BID: variants seen among roughly 807,000 people sequenced by gnomAD.
The protein encoded by BID is BH3 interacting domain death agonist.
Under a neutral mutation model 17.4 loss-of-function variants are expected in BID, and 19 were observed. The ratio of observed to expected loss-of-function variants is 1.09; its 90% CI spans 0.76 to 1.60. The LOEUF is 1.60. Among genes scored for constraint, BID ranks in the 40% most tolerant of loss-of-function variants. The probability of loss-of-function intolerance (pLI) is 0.00; values close to 1 mark genes in which losing one functional copy is unlikely to be tolerated. For missense variants in BID, 226 were observed against 256.0 expected (o/e 0.88, Z 0.80); for synonymous variants, 108 against 102.8 (o/e 1.05, Z -0.31).
rs147162385 is a variant in BID at position 17,752,900 on chromosome 22, C to T, written c.-58-2726G>A. On this transcript the variant is annotated intron_variant, in intron 1 of 5. Transcript: ENST00000622694. Reference sequence around the variant, plus strand: ...CAGGATGGTCTGGATCTCCTGACCTCGTGATCCGCCCGTCTTGGCCTCCCG... The same window carrying T: ...CAGGATGGTCTGGATCTCCTGACCTTGTGATCCGCCCGTCTTGGCCTCCCG... Among the ~76,000 whole-genome samples, 50 of 149,922 alleles carry T rather than the reference C, an allele frequency of 3.3e-4. 1 individual carries two copies. The East Asian group carries it at 6.3e-3, about 19-fold the overall frequency.
intron 1 of BID, among the ~76,000 whole-genome samples, chr22:17,768,729 C>CG: frequency 6.6e-6 from 1 of 152,180 alleles, no homozygotes; most frequent in South Asian, 2.1e-4. Context: ...AAAAATTAGC[C>CG]GGCATGGTGG....
chr22:17,743,990 C>T lies in BID; in HGVS notation c.36G>A (p.Arg12=). ...DCEVNNGSSL[R]DECITNLLVF... ...CCAGTAGGTTTGTGATGCACTCATC[C>T]CTGAGGCTGGAACCGTTGTTGACCT... is the stretch of plus-strand genomic sequence containing the variant. The change falls in exon 3 of 6, where the codon AGG becomes AGA. Residue 12 remains arginine, a synonymous_variant. Transcript: ENST00000622694. The T allele has an allele frequency of 6.2e-7, 1 of 1,614,006 alleles. No individual in the cohort carries two copies. The highest frequency in any genetic ancestry group is 1.1e-5 in the South Asian group (1 of 91,078).
Position 17,750,089 on chromosome 22 carries a change from G to A in BID, c.12+16C>T. The stretch of plus-strand genomic sequence containing the variant: ...CCGCCCCCCACAAGGCACCCGCAGG[G>A]GATCTGGCCTCTGACCTCACAGTCC... On this transcript the variant is annotated intron_variant, in intron 2 of 5. Transcript: ENST00000622694. The A allele has an allele frequency of 6.2e-7, 1 of 1,611,946 alleles. No homozygotes were observed. The highest frequency in any genetic ancestry group is 8.5e-7 in the Non-Finnish European group (1 of 1,179,566).
At position 17,738,243 on chromosome 22, in the gene BID, C is replaced by G; in HGVS notation, c.364-14G>C. 1 of 1,605,716 alleles carries G rather than the reference C, an allele frequency of 6.2e-7. No individual in the cohort carries two copies. The highest frequency in any genetic ancestry group is 8.5e-7 in the Non-Finnish European group (1 of 1,178,458). ...CCTGTTCCGGTCCTGCACAGAGGGG[C>G]ACACAGAACCTGGTTTACTAATACT... is the stretch of plus-strand genomic sequence containing the variant. On this transcript the variant is annotated splice_polypyrimidine_tract_variant and intron_variant, in intron 4 of 5. Transcript: ENST00000622694.
At chr22:17,759,503 G>T (rs998914148) in intron 1 of BID, among the ~76,000 whole-genome samples, 21 of 152,096 alleles carry the variant, frequency 1.4e-4, no homozygotes, top group Admixed American at 7.2e-4. Context: ...AGTGAGCCGA[G>T]ATCATGCCAC....
intron 1 of BID, among the ~76,000 whole-genome samples, chr22:17,765,856 T>G (rs1316220309): frequency 6.6e-6 from 1 of 152,182 alleles, no homozygotes; most frequent in Non-Finnish European, 1.5e-5. Context: ...AGAAAAGACA[T>G]AGCTTTTTAA....
chr22:17,749,498 C>G (rs1949260069), intron 2 of BID, among the ~76,000 whole-genome samples: 1 of 152,134 alleles, frequency 6.6e-6, no homozygotes, highest in South Asian at 2.1e-4. Flanking sequence ...AAATTTAAAT[C>G]CAGTGGGTTA....
In BID at chr22:17,735,443, A is replaced by G; in HGVS notation, c.*137T>C. 1 of 921,398 alleles carries G rather than the reference A, an allele frequency of 1.1e-6. No individual in the cohort carries two copies. Among genetic ancestry groups the G allele is most frequent in the Non-Finnish European group, 1.7e-6 (1 of 590,730 alleles). 57.1% of individuals were successfully genotyped at this position (921,398 alleles called of 1,614,324 possible). A position where few individuals can be genotyped will look rare whatever the true frequency, so the allele number is the denominator to read the frequency against. ...TTATAAGTTTAACATTGTCTTTAAA[A>G]TAGAAGTCACAGCTATCTTCCAGCC... On this transcript the variant is annotated 3_prime_UTR_variant, in exon 6 of 6. Transcript: ENST00000622694.
intron 1 of BID, among the ~76,000 whole-genome samples, chr22:17,753,967 A>G (rs2061561048): frequency 6.6e-6 from 1 of 151,700 alleles, no homozygotes; most frequent in South Asian, 2.1e-4. Context: ...CTGGGGTGAC[A>G]TTCCCCCAGT....
In BID at chr22:17,734,647, C is replaced by T. The variant is rs1379062108; in HGVS notation, c.*933G>A. 1 of 152,192 alleles carries T rather than the reference C, an allele frequency of 6.6e-6. No individual in the cohort carries two copies. The highest frequency in any genetic ancestry group is 2.4e-5 in the African/African-American group (1 of 41,436). 9.4% of individuals were successfully genotyped at this position (152,192 alleles called of 1,614,324 possible). A position where few individuals can be genotyped will look rare whatever the true frequency, so the allele number is the denominator to read the frequency against. ...TCCAACTGCTCTTTCATCTTTTATGCTTAGAAACCTGTTCTCTCCAGATGC... is the reference window on the plus strand; with the variant it reads ...TCCAACTGCTCTTTCATCTTTTATGTTTAGAAACCTGTTCTCTCCAGATGC... On this transcript the variant is annotated 3_prime_UTR_variant, in exon 6 of 6. Transcript: ENST00000622694.
At chr22:17,757,206 G>A (rs927289999) in intron 1 of BID, among the ~76,000 whole-genome samples, 6 of 151,510 alleles carry the variant, frequency 4.0e-5, no homozygotes, top group African/African-American at 1.2e-4. Context: ...CCTGAGCCCA[G>A]GAGTTCAAGA....
At chr22:17,750,523 G>T (rs2061530139) in intron 1 of BID, among the ~76,000 whole-genome samples, 1 of 152,142 alleles carries the variant, frequency 6.6e-6, no homozygotes. Flanking sequence ...GAATGGATTT[G>T]ACAATTAAAA....
chr22:17,739,988 G>T, intron 3 of BID: 1 of 1,338,840 alleles, frequency 7.5e-7, no homozygotes, highest in Non-Finnish European at 1.0e-6. Context: ...AGGCCCTGGA[G>T]AATCTCCCCT....
chr22:17,756,255 A>G (rs990015706), intron 1 of BID, among the ~76,000 whole-genome samples: 1 of 152,214 alleles, frequency 6.6e-6, no homozygotes, highest in African/African-American at 2.4e-5. Flanking sequence ...CATTCAAAGG[A>G]GTCCAAGAAC....
chr22:17,744,941 A>C (rs537048820), intron 2 of BID, among the ~76,000 whole-genome samples: 9 of 152,268 alleles, frequency 5.9e-5, no homozygotes, highest in Non-Finnish European at 1.3e-4. Flanking sequence ...GTGGGAGGGA[A>C]GATGGAAGTG....
At chr22:17,765,628 T>C (rs952824107) in intron 1 of BID, among the ~76,000 whole-genome samples, 2 of 152,018 alleles carry the variant, frequency 1.3e-5, no homozygotes, top group Non-Finnish European at 2.9e-5. Context: ...CCCGTAGAAG[T>C]TTAGGGGAGG....
chr22:17,760,049 G>A (rs985046931), intron 1 of BID, among the ~76,000 whole-genome samples: 54 of 150,894 alleles, frequency 3.6e-4, no homozygotes, highest in Non-Finnish European at 4.0e-4. Flanking sequence ...CAGGAGAATG[G>A]CGTGAACTCG....
At position 17,734,371 on chromosome 22, in the gene BID, T is replaced by C. The variant is rs572896026; in HGVS notation, c.*1209A>G. The C allele has an allele frequency of 6.6e-6, 1 of 152,340 alleles. No individual in the cohort carries two copies. Among genetic ancestry groups the C allele is most frequent in the East Asian group, 1.9e-4 (1 of 5,190 alleles). 9.4% of individuals were successfully genotyped at this position (152,340 alleles called of 1,614,324 possible). ...ATGAGTCCGTCAGTGCCCTTACTCA[T>C]ATGCGTCTCCAGTGGCCTCATGTTG... On this transcript the variant is annotated 3_prime_UTR_variant, in exon 6 of 6. Transcript: ENST00000622694.
intron 1 of BID, among the ~76,000 whole-genome samples, chr22:17,757,180 C>A (rs2061597360): frequency 6.6e-6 from 1 of 151,880 alleles, no homozygotes; most frequent in Non-Finnish European, 1.5e-5. Context: ...TTTGGGAGGC[C>A]AGGGCAGGCT....
Sources: gnomAD v4.1 joint callset for allele counts (sites outside exome capture counted in the v4.1 genomes callset) on GRCh38, gnomAD v4.1.1 for gene constraint, MANE v1.5 for transcripts, NCBI Gene and HGNC (gene_info 2026-07-23, HGNC 2026-07-21) for gene names.